EMB: variants seen among roughly 807,000 people sequenced by gnomAD.
EMB encodes embigin, also known as embigin homolog.
EMB carries 31 observed loss-of-function variants against 41.4 expected under a neutral mutation model. The observed-to-expected ratio is 0.75, with a 90% CI of 0.56 to 1.01. The LOEUF (loss-of-function observed/expected upper bound fraction) is 1.01. EMB is among the 50% of genes least tolerant of loss of function. EMB has a pLI of 0.00. For missense variants in EMB, 379 were observed against 388.3 expected (o/e 0.98, Z 0.20); for synonymous variants, 137 against 140.4 (o/e 0.98, Z 0.17).
intron 2 of EMB, 174 bp from the exon 3 acceptor site, chr5:50,411,557 T>C (rs1745338493): frequency 4.1e-6 from 2 of 492,568 alleles, no homozygotes; most frequent in African/African-American, 2.0e-5. Context: ...CCCTTTTATA[T>C]GCACACCTAA....
At chr5:50,439,769 GGT>G (rs1322674537) in intron 1 of EMB, among the ~76,000 whole-genome samples, 1 of 152,094 alleles carries the variant, frequency 6.6e-6, no homozygotes, top group African/African-American at 2.4e-5. Flanking sequence ...CCTTCTCTAT[GGT>G]GTGTTACAAA....
At chr5:50,400,634 A>C (rs1244414886) in intron 7 of EMB, among the ~76,000 whole-genome samples, 1 of 151,992 alleles carries the variant, frequency 6.6e-6, no homozygotes, top group Non-Finnish European at 1.5e-5. Context: ...GGACATCAAG[A>C]AGCTCATTGT....
At chr5:50,407,589 A>G (rs758789525) in intron 4 of EMB, among the ~76,000 whole-genome samples, 2 of 152,008 alleles carry the variant, frequency 1.3e-5, no homozygotes, top group Non-Finnish European at 2.9e-5. Context: ...TTGTTCTGCT[A>G]TATATGGCTA....
chr5:50,410,819 G>A lies in EMB; in HGVS notation c.472+58C>T, dbSNP rs56358934. ...AATAATTTTAAAATTACAGGATTGA[G>A]AAATCTAAGAACATAATGCTGAAGT... On this transcript the variant is annotated intron_variant, in intron 4 of 8. Coordinates refer to ENST00000303221, the MANE Select transcript of EMB (RefSeq NM_198449.3). 5.4e-3 allele frequency: 5,714 copies of A among 1,049,082 alleles called. 225 individuals carry two copies. The African/African-American group carries it at 0.083, about 15-fold the overall frequency. 65.0% of individuals were successfully genotyped at this position (1,049,082 alleles called of 1,614,324 possible). A position where few individuals can be genotyped will look rare whatever the true frequency, so the allele number is the denominator to read the frequency against.
intron 1 of EMB, among the ~76,000 whole-genome samples, chr5:50,434,807 T>C (rs1484778168): frequency 6.6e-6 from 1 of 152,240 alleles, no homozygotes; most frequent in Non-Finnish European, 1.5e-5. Flanking sequence ...ATGTTCTATG[T>C]TTAAATAGTG....
Position 50,422,825 on chromosome 5 carries a change from G to A in EMB, c.196+5319C>T, listed in dbSNP as rs147920181. Among the ~76,000 whole-genome samples, 373 of 152,154 alleles carry A rather than the reference G, an allele frequency of 2.5e-3. 2 individuals are homozygous for A. Among genetic ancestry groups the A allele is most frequent in the African/African-American group, 8.5e-3 (352 of 41,518 alleles). ...AATTAATTCAAAAAATAAAATATAA[G>A]CCTAGTACGTGGGTCAGGGAAAGGG... On this transcript the variant is annotated intron_variant, in intron 2 of 8. Coordinates refer to ENST00000303221, the MANE Select transcript of EMB (RefSeq NM_198449.3).
At chr5:50,412,156 C>T (rs571538577) in intron 2 of EMB, among the ~76,000 whole-genome samples, 1 of 151,964 alleles carries the variant, frequency 6.6e-6, no homozygotes, top group African/African-American at 2.4e-5. Flanking sequence ...TTCCCATCTA[C>T]AGGTGGGAAG....
chr5:50,404,660 T>C (rs1224381759), intron 5 of EMB, among the ~76,000 whole-genome samples: 1 of 151,892 alleles, frequency 6.6e-6, no homozygotes, highest in African/African-American at 2.4e-5. Context: ...AAGCTGTGTA[T>C]TTCAAATACC....
In EMB at chr5:50,396,915, A is replaced by G. The variant is rs1423526879; in HGVS notation, c.*2358T>C. The G allele has an allele frequency of 6.6e-6, 1 of 152,112 alleles. No individual in the cohort carries two copies. The highest frequency in any genetic ancestry group is 2.4e-5 in the African/African-American group (1 of 41,442). The allele number at this position is 152,112 out of a possible 1,614,324, so 9.4% of individuals were successfully genotyped here. The stretch of plus-strand genomic sequence containing the variant: ...GTATTAATTAATACAGAAGAAGAAA[A>G]TATCAGAATGAGTTCTAAATTAGGG... On this transcript the variant is annotated 3_prime_UTR_variant, in exon 9 of 9. Transcript: ENST00000303221.
intron 2 of EMB, among the ~76,000 whole-genome samples, chr5:50,422,992 G>C (rs540758926): frequency 2.8e-4 from 43 of 151,848 alleles, no homozygotes; most frequent in Admixed American, 1.2e-3. Flanking sequence ...GATATATGTA[G>C]GGTATCCCTT....
intron 1 of EMB, among the ~76,000 whole-genome samples, chr5:50,438,212 G>A (rs1461102409): frequency 3.3e-5 from 5 of 152,172 alleles, no homozygotes; most frequent in East Asian, 3.9e-4. Context: ...AACTAAGTAT[G>A]TGTAATTACT....
At chr5:50,410,999 GT>G (rs750195283) in intron 3 of EMB, 34 bp from the exon 4 acceptor site, 189 of 1,471,636 alleles carry the variant, frequency 1.3e-4, no homozygotes, top group Non-Finnish European at 1.7e-4. Context: ...TATAGGCTTA[GT>G]TCTCAAAACC....
intron 2 of EMB, among the ~76,000 whole-genome samples, chr5:50,414,135 A>T (rs1043799756): frequency 6.6e-6 from 1 of 152,178 alleles, no homozygotes; most frequent in Non-Finnish European, 1.5e-5. Context: ...TATATCATAT[A>T]AACAAATTTC....
At chr5:50,425,006 A>G (rs1305706914) in intron 2 of EMB, among the ~76,000 whole-genome samples, 1 of 152,092 alleles carries the variant, frequency 6.6e-6, no homozygotes, top group Non-Finnish European at 1.5e-5. Context: ...TTCTCTGTGC[A>G]TCAACAGTCT....
intron 2 of EMB, among the ~76,000 whole-genome samples, chr5:50,417,707 C>T (rs1388855100): frequency 1.3e-5 from 2 of 152,140 alleles, no homozygotes; most frequent in South Asian, 4.1e-4. Flanking sequence ...CCCTCAAGAC[C>T]TATGAACTAT....
intron 2 of EMB, among the ~76,000 whole-genome samples, chr5:50,414,271 C>T (rs1474971958): frequency 6.6e-6 from 1 of 151,910 alleles, no homozygotes; most frequent in African/African-American, 2.4e-5. Context: ...TGCCTGTGAT[C>T]CCAGTAATTT....
In EMB at chr5:50,399,128, T is replaced by C. The variant is rs1745117191; in HGVS notation, c.*145A>G. ...ATACCTTTAGATCTGACATATATCGTTGATGAAGCTCCTGCTGAGCATGTT... is the reference window on the plus strand; with the variant it reads ...ATACCTTTAGATCTGACATATATCGCTGATGAAGCTCCTGCTGAGCATGTT... On this transcript the variant is annotated 3_prime_UTR_variant, in exon 9 of 9. Transcript: ENST00000303221. The C allele has an allele frequency of 1.9e-5, 20 of 1,072,728 alleles. No individual in the cohort carries two copies. The South Asian group carries it at 3.2e-4, about 17-fold the overall frequency. The allele number at this position is 1,072,728 out of a possible 1,614,324, so 66.5% of individuals were successfully genotyped here. A position where few individuals can be genotyped will look rare whatever the true frequency, so the allele number is the denominator to read the frequency against.
At chr5:50,406,826 G>A (rs1308550612) in intron 4 of EMB, among the ~76,000 whole-genome samples, 1 of 151,964 alleles carries the variant, frequency 6.6e-6, no homozygotes, top group South Asian at 2.1e-4. Context: ...TGCCAGTAGG[G>A]AAAGAATGGA....
At chr5:50,407,705 T>C (rs1745269891) in intron 4 of EMB, among the ~76,000 whole-genome samples, 1 of 151,960 alleles carries the variant, frequency 6.6e-6, no homozygotes, top group African/African-American at 2.4e-5. Flanking sequence ...TTTGGAAATA[T>C]TTACTAATAT....
Sources: allele counts gnomAD v4.1 joint callset (sites outside exome capture counted in the v4.1 genomes callset), GRCh38; gene constraint gnomAD v4.1.1; transcripts MANE v1.5; gene names NCBI Gene and HGNC (gene_info 2026-07-23, HGNC 2026-07-21).